SAMD13: variants seen among roughly 807,000 people sequenced by gnomAD.
SAMD13 encodes sterile alpha motif domain-containing protein 13.
SAMD13 carries 9 observed loss-of-function variants against 12.4 expected under a neutral mutation model. That is an observed-to-expected ratio of 0.72 (90% CI 0.44 to 1.26). SAMD13 has a LOEUF of 1.26. Ranked by LOEUF, SAMD13 falls within the 50% of genes most tolerant of loss-of-function variation. The pLI is 0.00. For synonymous variants in SAMD13, 46 were observed against 45.4 expected (o/e 1.01, Z -0.05); for missense variants, 84 against 119.6 (o/e 0.70, Z 1.39).
At chr1:84,317,207 G>A (rs1349686495) in intron 2 of SAMD13, among the ~76,000 whole-genome samples, 2 of 151,880 alleles carry the variant, frequency 1.3e-5, no homozygotes, top group Non-Finnish European at 2.9e-5. Flanking sequence ...TCTTTGTCTT[G>A]CCTAATTGCT....
chr1:84,310,421 A>G (rs1167378830), intron 2 of SAMD13, among the ~76,000 whole-genome samples: 2 of 152,104 alleles, frequency 1.3e-5, no homozygotes, highest in Non-Finnish European at 2.9e-5. Flanking sequence ...GGCCACAGTC[A>G]AAGCCATCCT....
At chr1:84,311,619 G>A (rs1438684467) in intron 2 of SAMD13, among the ~76,000 whole-genome samples, 1 of 152,132 alleles carries the variant, frequency 6.6e-6, no homozygotes, top group Non-Finnish European at 1.5e-5. Context: ...GTCTGCTTCA[G>A]AAAACGGAAC....
chr1:84,324,741 A>G (rs1427542596), intron 2 of SAMD13, among the ~76,000 whole-genome samples: 1 of 152,142 alleles, frequency 6.6e-6, no homozygotes, highest in African/African-American at 2.4e-5. Flanking sequence ...AATACTCCCA[A>G]CGCAGAAATG....
chr1:84,310,687 G>A (rs1459000650), intron 2 of SAMD13, among the ~76,000 whole-genome samples: 1 of 151,978 alleles, frequency 6.6e-6, no homozygotes, highest in Non-Finnish European at 1.5e-5. Flanking sequence ...GATTCAACTT[G>A]GAAGCAAAAG....
intron 2 of SAMD13, among the ~76,000 whole-genome samples, chr1:84,319,729 T>A (rs1442867177): frequency 2.0e-5 from 3 of 152,006 alleles, no homozygotes; most frequent in African/African-American, 7.2e-5. Flanking sequence ...GTTTGTAAGA[T>A]CCTTTGTTTT....
intron 3 of SAMD13, among the ~76,000 whole-genome samples, chr1:84,332,166 C>A (rs933559494): frequency 6.6e-6 from 1 of 152,056 alleles, no homozygotes; most frequent in African/African-American, 2.4e-5. Context: ...TCATATCTTT[C>A]CTATTGCAAA....
At chr1:84,331,741 A>C (rs1393114572) in intron 3 of SAMD13, among the ~76,000 whole-genome samples, 3 of 152,128 alleles carry the variant, frequency 2.0e-5, no homozygotes, top group Non-Finnish European at 4.4e-5. Context: ...TGAAGTTTTT[A>C]AACTTTTATT....
At chr1:84,323,557 T>C (rs1678994630) in intron 2 of SAMD13, among the ~76,000 whole-genome samples, 1 of 152,120 alleles carries the variant, frequency 6.6e-6, no homozygotes. Flanking sequence ...AAATTAACGA[T>C]CACATGTGCC....
chr1:84,321,379 A>T (rs1282781247), intron 2 of SAMD13, among the ~76,000 whole-genome samples: 1 of 152,040 alleles, frequency 6.6e-6, no homozygotes, highest in Non-Finnish European at 1.5e-5. Flanking sequence ...TATATATTAA[A>T]GATTCTGTGC....
intron 2 of SAMD13, among the ~76,000 whole-genome samples, chr1:84,306,644 C>CAAAAA (rs386367519): frequency 4.7e-5 from 3 of 63,994 alleles, no homozygotes; most frequent in Non-Finnish European, 5.9e-5. Flanking sequence ...CTAAAAATAC[C>CAAAAA]AAAAAAAAAA....
intron 3 of SAMD13, among the ~76,000 whole-genome samples, chr1:84,330,775 A>G (rs923089050): frequency 6.6e-6 from 1 of 152,204 alleles, no homozygotes; most frequent in Non-Finnish European, 1.5e-5. Context: ...AAGATGGAAG[A>G]CAGATCTGCC....
chr1:84,310,085 G>A (rs1022122781), intron 2 of SAMD13, among the ~76,000 whole-genome samples: 2 of 151,938 alleles, frequency 1.3e-5, no homozygotes, highest in East Asian at 3.8e-4. Flanking sequence ...AATCTGAGCC[G>A]CATATGTAAT....
rs6688872 is a variant in SAMD13 at position 84,322,853 on chromosome 1, A to G, written c.54-2784A>G. Among the ~76,000 whole-genome samples, 561 of 152,296 alleles carry G rather than the reference A, an allele frequency of 3.7e-3. 5 individuals are homozygous for G. The highest frequency in any genetic ancestry group is 0.013 in the African/African-American group (534 of 41,542). ...GCATTGCTATACTCAAGAATATTTC[A>G]AAATTATGGAAGTCATGATGTTATA... On this transcript the variant is annotated intron_variant, in intron 2 of 3. Coordinates refer to ENST00000394834, the MANE Select transcript of SAMD13 (RefSeq NM_001134663.2).
At chr1:84,303,831 T>C (rs1678502800) in intron 2 of SAMD13, 1 of 152,506 alleles carries the variant, frequency 6.6e-6, no homozygotes, top group African/African-American at 2.4e-5. Context: ...TTGAAACTTG[T>C]GTTTATATGT....
chr1:84,327,861 CTT>C (rs904001251), intron 3 of SAMD13, among the ~76,000 whole-genome samples: 22 of 152,174 alleles, frequency 1.4e-4, no homozygotes, highest in African/African-American at 5.1e-4. Flanking sequence ...GTTTGAAAAA[CTT>C]TTATGAATTG....
intron 3 of SAMD13, among the ~76,000 whole-genome samples, chr1:84,329,742 A>G (rs1679134170): frequency 6.6e-6 from 1 of 152,172 alleles, no homozygotes; most frequent in Admixed American, 6.5e-5. Context: ...GTTAGTAGCA[A>G]TTACAAGTCA....
chr1:84,325,746 C>A lies in SAMD13; in HGVS notation c.163C>A (p.Gln55Lys). 1.3e-6 allele frequency: 2 copies of A among 1,595,518 alleles called. No homozygotes were observed. Among genetic ancestry groups the A allele is most frequent in the Non-Finnish European group, 1.7e-6 (2 of 1,163,368 alleles). The change falls in exon 3 of 4, where the codon CAG (glutamine) becomes AAG (lysine). Residue 55 changes from glutamine to lysine, a missense_variant and splice_region_variant. Gln to Lys is a moderately conservative substitution (Grantham distance 53). Transcript: ENST00000394834. ...FEEQASAFQE[Q>K]EIDGKSLLLM... is the part of the protein sequence containing the mutation. Reference sequence around the variant, plus strand: ...GGAGCAAGCTAGTGCTTTTCAGGAACAGGTAACTTGGTCTAGAGAAACACG... The same window carrying A: ...GGAGCAAGCTAGTGCTTTTCAGGAAAAGGTAACTTGGTCTAGAGAAACACG...
intron 3 of SAMD13, among the ~76,000 whole-genome samples, chr1:84,337,387 C>G (rs1679323033): frequency 6.6e-6 from 1 of 152,214 alleles, no homozygotes; most frequent in Non-Finnish European, 1.5e-5. Flanking sequence ...GATTCCCAAA[C>G]CTCAATTCTT....
chr1:84,337,935 G>A (rs1305041119), intron 3 of SAMD13, among the ~76,000 whole-genome samples: 1 of 152,128 alleles, frequency 6.6e-6, no homozygotes, highest in Non-Finnish European at 1.5e-5. Context: ...TAGGGCAGGG[G>A]CAAAATGCCA....
Sources: allele counts gnomAD v4.1 joint callset (sites outside exome capture counted in the v4.1 genomes callset), GRCh38; gene constraint gnomAD v4.1.1; transcripts MANE v1.5; gene names NCBI Gene and HGNC (gene_info 2026-07-23, HGNC 2026-07-21).